SLC14A2: variants seen among roughly 807,000 people sequenced by gnomAD.
SLC14A2 encodes urea transporter 2.
Under a neutral mutation model 104.6 loss-of-function variants are expected in SLC14A2, and 91 were observed. That is an observed-to-expected ratio of 0.87 (90% CI 0.73 to 1.04). The LOEUF (loss-of-function observed/expected upper bound fraction) is 1.04, where lower values mean the gene tolerates loss of function less well. Ranked by LOEUF, SLC14A2 falls within the 50% of genes least tolerant of loss-of-function variation. The pLI, the probability that SLC14A2 is intolerant of heterozygous loss-of-function variation, is 0.00. For missense variants in SLC14A2, 1,189 were observed against 1,156.0 expected, an observed-to-expected ratio of 1.03 and a Z score of -0.41; for synonymous variants, 476 against 466.4, an observed-to-expected ratio of 1.02 and a Z score of -0.27.
chr18:45,203,125 G>A, the SLC14A2 span, among the ~76,000 whole-genome samples: 19 of 152,236 alleles, frequency 1.2e-4, no homozygotes, highest in African/African-American at 2.4e-4. Flanking sequence ...AGAGTAGTCC[G>A]AGGAGAGGCA....
At chr18:45,350,243 G>A (rs556262855) in intron 1 of SLC14A2, among the ~76,000 whole-genome samples, 7 of 152,268 alleles carry the variant, frequency 4.6e-5, no homozygotes, top group African/African-American at 1.7e-4. Flanking sequence ...AATAAATGTC[G>A]TTAAAAACCA....
intron 2 of SLC14A2, among the ~76,000 whole-genome samples, chr18:45,601,731 G>A (rs1445631703): frequency 1.3e-5 from 2 of 152,180 alleles, no homozygotes; most frequent in African/African-American, 4.8e-5. Context: ...GAAATCAATT[G>A]ATCAGACTGG....
chr18:45,493,739 A>G (rs1003867349), intron 2 of SLC14A2, among the ~76,000 whole-genome samples: 5 of 152,236 alleles, frequency 3.3e-5, no homozygotes, highest in Admixed American at 2.0e-4. Flanking sequence ...TTTTTTAGTT[A>G]TGGATTCTGG....
intron 16 of SLC14A2, among the ~76,000 whole-genome samples, chr18:45,671,714 G>A (rs930436723): frequency 6.6e-6 from 1 of 152,242 alleles, no homozygotes; most frequent in Non-Finnish European, 1.5e-5. Flanking sequence ...TCACTGTGGC[G>A]TGAGGGCCCC....
At chr18:45,210,787 T>C (rs1019795796), upstream of SLC14A2, among the ~76,000 whole-genome samples, 2 of 152,160 alleles carry the variant, frequency 1.3e-5, no homozygotes, top group African/African-American at 4.8e-5. Flanking sequence ...TCATCTGTAA[T>C]ATGGTACCAA....
chr18:45,596,087 C>T (rs1447315106), intron 2 of SLC14A2, among the ~76,000 whole-genome samples: 2 of 152,190 alleles, frequency 1.3e-5, no homozygotes, highest in Non-Finnish European at 2.9e-5. Flanking sequence ...TTCCTCTGTT[C>T]ACAAGGCACC....
intron 1 of SLC14A2, among the ~76,000 whole-genome samples, chr18:45,341,558 G>T (rs2085394028): frequency 6.7e-6 from 1 of 148,564 alleles, no homozygotes; most frequent in Non-Finnish European, 1.5e-5. Flanking sequence ...TTTTTAAATG[G>T]CCCCCAAGCC....
chr18:45,634,043 A>G (rs562686552), intron 5 of SLC14A2, among the ~76,000 whole-genome samples: 12 of 152,154 alleles, frequency 7.9e-5, no homozygotes, highest in Non-Finnish European at 1.5e-4. Context: ...ACCACATTGC[A>G]CTGGCTGGCA....
At chr18:45,675,501 G>C (rs77971530) in intron 18 of SLC14A2, among the ~76,000 whole-genome samples, 9 of 151,650 alleles carry the variant, frequency 5.9e-5, no homozygotes, top group African/African-American at 2.2e-4. Flanking sequence ...AGTGGAGTTT[G>C]GGGGGCGTTT....
At chr18:45,576,734 G>T (rs563474771) in intron 2 of SLC14A2, among the ~76,000 whole-genome samples, 3 of 152,070 alleles carry the variant, frequency 2.0e-5, no homozygotes, top group South Asian at 4.2e-4. Context: ...AATTTAGCCC[G>T]CATTATTCAG....
chr18:45,666,826 G>T, intron 12 of SLC14A2, 109 bp from the exon 13 acceptor site: 1 of 921,368 alleles, frequency 1.1e-6, no homozygotes, highest in Admixed American at 2.3e-5. Flanking sequence ...GCAATTTAAT[G>T]AAATACCAAA....
chr18:45,214,865 A>G (rs116859977), intron 1 of SLC14A2, among the ~76,000 whole-genome samples: 1,547 of 149,324 alleles, frequency 0.01, 22 homozygotes, highest in Non-Finnish European at 0.013. Context: ...AGAGAAAGGT[A>G]ATGTGACCCC....
At chr18:45,415,173 C>T (rs1049059439) in intron 1 of SLC14A2, among the ~76,000 whole-genome samples, 35 of 152,050 alleles carry the variant, frequency 2.3e-4, no homozygotes, top group Admixed American at 2.0e-3. Flanking sequence ...CTTGACCTTT[C>T]GTGCAGGTTG....
intron 2 of SLC14A2, among the ~76,000 whole-genome samples, chr18:45,525,080 G>A (rs935974135): frequency 3.3e-5 from 5 of 151,876 alleles, no homozygotes; most frequent in Non-Finnish European, 7.4e-5. Context: ...AGATAAAAAG[G>A]ATACCTCTTG....
chr18:45,562,316 A>G (rs1163111004), intron 2 of SLC14A2, among the ~76,000 whole-genome samples: 1 of 152,252 alleles, frequency 6.6e-6, no homozygotes, highest in African/African-American at 2.4e-5. Context: ...GACCTGATAG[A>G]GAAGAGCTGA....
the SLC14A2 span, among the ~76,000 whole-genome samples, chr18:45,177,654 T>A: frequency 6.6e-6 from 1 of 152,090 alleles, no homozygotes; most frequent in East Asian, 1.9e-4. Context: ...TCACTTCCAA[T>A]ATTCACTCCA....
At chr18:45,269,324 GT>G (rs1342122843) in intron 1 of SLC14A2, among the ~76,000 whole-genome samples, 26 of 151,992 alleles carry the variant, frequency 1.7e-4, no homozygotes, top group African/African-American at 5.1e-4. Flanking sequence ...ACATGATAAG[GT>G]TTTAGCTGTC....
chr18:45,312,384 A>C (rs567690251), intron 1 of SLC14A2, among the ~76,000 whole-genome samples: 1 of 82,202 alleles, frequency 1.2e-5, no homozygotes, highest in African/African-American at 7.6e-5. Flanking sequence ...TTCAGACTAG[A>C]AAAAAAAAAA....
chr18:45,218,243 A>G (rs1387665904), intron 1 of SLC14A2, among the ~76,000 whole-genome samples: 1 of 152,232 alleles, frequency 6.6e-6, no homozygotes, highest in African/African-American at 2.4e-5. Flanking sequence ...TAAGTACCTT[A>G]TATAAGTAGA....
Sources: gnomAD v4.1 joint callset for allele counts (sites outside exome capture counted in the v4.1 genomes callset) on GRCh38, gnomAD v4.1.1 for gene constraint, MANE v1.5 for transcripts, NCBI Gene and HGNC (gene_info 2026-07-23, HGNC 2026-07-21) for gene names.